The following CEP89 variants were observed in gnomAD, a reference collection of about 807,000 sequenced individuals.
The protein encoded by CEP89 is centrosomal protein 89, also known as centrosomal protein of 89 kDa.
CEP89 carries 95 observed loss-of-function variants against 97.6 expected under a neutral mutation model. The ratio of observed to expected loss-of-function variants is 0.97; its 90% confidence interval spans 0.82 to 1.15. The LOEUF (loss-of-function observed/expected upper bound fraction) is 1.15, where lower values mean the gene tolerates loss of function less well. CEP89 is among the 50% of genes most tolerant of loss of function. CEP89 has a pLI of 0.00. For synonymous variants in CEP89, 354 were observed against 349.1 expected, an observed-to-expected ratio of 1.01 and a Z score of -0.16; for missense variants, 869 against 947.7, an observed-to-expected ratio of 0.92 and a Z score of 1.09.
At chr19:32,926,656 G>A (rs1970364807) in intron 10 of CEP89, among the ~76,000 whole-genome samples, 1 of 152,140 alleles carries the variant, frequency 6.6e-6, no homozygotes, top group African/African-American at 2.4e-5. Flanking sequence ...AAACCTCCCG[G>A]GTTCAAGCGA....
intron 5 of CEP89, among the ~76,000 whole-genome samples, chr19:32,947,790 C>T (rs1040773490): frequency 1.3e-5 from 2 of 152,002 alleles, no homozygotes; most frequent in African/African-American, 4.8e-5. Context: ...ATTACAGGAG[C>T]GAGCCACCAC....
intron 3 of CEP89, among the ~76,000 whole-genome samples, chr19:32,959,163 A>G (rs570483316): frequency 6.6e-6 from 1 of 151,692 alleles, no homozygotes; most frequent in African/African-American, 2.4e-5. Context: ...CCAACCCTCT[A>G]AACAGGACAC....
chr19:32,884,625 G>T (rs973568128), intron 17 of CEP89, among the ~76,000 whole-genome samples: 4 of 152,080 alleles, frequency 2.6e-5, no homozygotes, highest in Non-Finnish European at 5.9e-5. Flanking sequence ...TGTCCCTCAG[G>T]CTGGAGTGCA....
chr19:32,883,601 G>C (rs892284498), intron 17 of CEP89, among the ~76,000 whole-genome samples: 1 of 152,082 alleles, frequency 6.6e-6, no homozygotes, highest in African/African-American at 2.4e-5. Flanking sequence ...CTTGAACCTG[G>C]GAGGCAGAGG....
chr19:32,893,045 C>A (rs1466409048), intron 16 of CEP89, among the ~76,000 whole-genome samples: 1 of 151,704 alleles, frequency 6.6e-6, no homozygotes, highest in Non-Finnish European at 1.5e-5. Flanking sequence ...TCAATAGTAA[C>A]CTTGAATGTA....
chr19:32,897,929 G>A (rs1490630613), intron 16 of CEP89, among the ~76,000 whole-genome samples: 1 of 152,176 alleles, frequency 6.6e-6, no homozygotes, highest in Admixed American at 6.5e-5. Flanking sequence ...TACACTGTTG[G>A]TGGGAATGTA....
intron 10 of CEP89, 145 bp from the exon 11 acceptor site, chr19:32,926,418 A>T: frequency 1.6e-6 from 1 of 641,860 alleles, no homozygotes; most frequent in Non-Finnish European, 2.7e-6. Flanking sequence ...CTCCCAGCTC[A>T]GGATCCCAGA....
chr19:32,922,935 G>A (rs1970281055), intron 12 of CEP89, among the ~76,000 whole-genome samples: 2 of 152,168 alleles, frequency 1.3e-5, no homozygotes, highest in Non-Finnish European at 2.9e-5. Flanking sequence ...CATTACAGTA[G>A]GACCCTAGAG....
chr19:32,879,634 C>T lies in CEP89; in HGVS notation c.2136-256G>A, dbSNP rs527573192. On this transcript the variant is annotated intron_variant, in intron 18 of 18. Transcript: ENST00000305768. ...GCCCTGGGAATGGGGAGCAGCAGGA[C>T]GGCACAGGCATTTCTCTTCCCTCTA... 2.4e-4 allele frequency among the ~76,000 whole-genome samples: 36 copies of T among 152,268 alleles called. 1 individual carries two copies. The South Asian group carries it at 7.2e-3, about 31-fold the overall frequency.
intron 4 of CEP89, among the ~76,000 whole-genome samples, chr19:32,951,534 T>TATATATATATATATATAC (rs1407110112): frequency 4.9e-5 from 6 of 122,038 alleles, no homozygotes; most frequent in African/African-American, 2.0e-4. Flanking sequence ...TATATATATA[T>TATATATATATATATATAC]ACACACACAC....
chr19:32,938,399 A>G (rs867160671), intron 6 of CEP89, among the ~76,000 whole-genome samples: 27 of 152,262 alleles, frequency 1.8e-4, no homozygotes, highest in Admixed American at 3.3e-4. Flanking sequence ...AGGGAAGCAC[A>G]TTTGCAAAAT....
At chr19:32,892,563 C>A (rs990936651) in intron 16 of CEP89, among the ~76,000 whole-genome samples, 21 of 151,840 alleles carry the variant, frequency 1.4e-4, no homozygotes, top group African/African-American at 4.8e-4. Flanking sequence ...GCCTCAGCCT[C>A]CCAAAGTGCT....
At position 32,887,825 on chromosome 19, in the gene CEP89, C is replaced by T. The variant is rs1223738837; in HGVS notation, c.1892G>A (p.Ser631Asn). 1 of 1,610,840 alleles carries T rather than the reference C, an allele frequency of 6.2e-7. No homozygotes were observed. The highest frequency in any genetic ancestry group is 1.3e-5 in the African/African-American group (1 of 74,878). The change falls in exon 17 of 19, where the codon AGT (serine) becomes AAT (asparagine). Residue 631 changes from serine to asparagine, a missense_variant. Coordinates refer to ENST00000305768, the MANE Select transcript of CEP89 (RefSeq NM_032816.5). ...TTTATTAAGCACTCCATCCTTCTCACTTTCTAAACATTTTGCCTAGGGAGA... is the reference window on the plus strand; with the variant it reads ...TTTATTAAGCACTCCATCCTTCTCATTTTCTAAACATTTTGCCTAGGGAGA... ...SLMCLAKCLE[S>N]EKDGVLNKVI...
At chr19:32,921,232 AGAAAG>A (rs754356623) in intron 12 of CEP89, among the ~76,000 whole-genome samples, 29 of 148,678 alleles carry the variant, frequency 2.0e-4, no homozygotes, top group East Asian at 4.0e-4. Context: ...AAAAAAAAAA[AGAAAG>A]AAAGAAAGAA....
At chr19:32,958,236 A>G (rs181735580) in intron 3 of CEP89, among the ~76,000 whole-genome samples, 201 of 152,318 alleles carry the variant, frequency 1.3e-3, no homozygotes, top group African/African-American at 4.4e-3. Flanking sequence ...GCCAAAACAA[A>G]AATAAAAACA....
chr19:32,915,919 A>G lies in CEP89; in HGVS notation c.1385-402T>C, dbSNP rs1019483027. 1.0e-3 allele frequency among the ~76,000 whole-genome samples: 4 copies of G among 3,974 alleles called. No homozygotes were observed. In the East Asian group the frequency reaches 0.027, roughly 27 times the overall value. The allele number at this position is 3,974 out of a possible 152,430, so 2.6% of individuals were successfully genotyped here. A position where few individuals can be genotyped will look rare whatever the true frequency, so the allele number is the denominator to read the frequency against. On this transcript the variant is annotated intron_variant, in intron 13 of 18. Coordinates refer to ENST00000305768, the MANE Select transcript of CEP89 (RefSeq NM_032816.5). ...GGGCAACAGAGTGAGACTCTCTCAG[A>G]AAAAAAAAAAAAAAAAAAGATATTT...
intron 18 of CEP89, 134 bp from the exon 19 acceptor site, chr19:32,879,512 G>A (rs973923755): frequency 1.4e-5 from 10 of 706,588 alleles, no homozygotes; most frequent in Non-Finnish European, 2.4e-5. Flanking sequence ...GGGTTCTGAA[G>A]CAAGCGCTCA....
intron 9 of CEP89, among the ~76,000 whole-genome samples, 181 bp from the exon 10 acceptor site, chr19:32,927,165 T>TATCC (rs1005097916): frequency 4.3e-5 from 5 of 115,428 alleles, no homozygotes; most frequent in African/African-American, 1.3e-4. Context: ...TCCATCCATC[T>TATCC]ATCCATCCAT....
intron 14 of CEP89, among the ~76,000 whole-genome samples, chr19:32,905,282 A>G (rs1353594673): frequency 6.6e-6 from 1 of 152,252 alleles, no homozygotes; most frequent in African/African-American, 2.4e-5. Flanking sequence ...TTACATCTAC[A>G]TTCATAAGTG....
Sources: allele counts gnomAD v4.1 joint callset (sites outside exome capture counted in the v4.1 genomes callset), GRCh38; gene constraint gnomAD v4.1.1; transcripts MANE v1.5; gene names NCBI Gene and HGNC (gene_info 2026-07-23, HGNC 2026-07-21).